The following TAF1B variants were observed in gnomAD, a reference collection of about 807,000 sequenced individuals.
TAF1B encodes TATA box-binding protein-associated factor RNA polymerase I subunit B.
TAF1B carries 61 observed loss-of-function variants against 83.9 expected under a neutral mutation model. The ratio of observed to expected loss-of-function variants is 0.73; its 90% CI spans 0.59 to 0.90. The LOEUF (loss-of-function observed/expected upper bound fraction) is 0.90, where lower values mean the gene tolerates loss of function less well. TAF1B is among the 40% of genes least tolerant of loss of function. TAF1B has a pLI of 0.00. For missense variants in TAF1B, 625 were observed against 677.0 expected (o/e 0.92, Z 0.85); for synonymous variants, 221 against 224.6 (o/e 0.98, Z 0.14).
chr2:9,854,381 A>G lies in TAF1B; in HGVS notation c.359A>G (p.Tyr120Cys). 1.2e-6 allele frequency: 2 copies of G among 1,614,140 alleles called. No individual in the cohort carries two copies. Among genetic ancestry groups the G allele is most frequent in the South Asian group, 1.1e-5 (1 of 91,072 alleles). Residue 120 changes from tyrosine to cysteine, a missense_variant, in exon 5 of 15, where the codon TAT (tyrosine) becomes TGT (cysteine). Tyr to Cys is a radical substitution (Grantham distance 194, BLOSUM62 -2). Coordinates refer to ENST00000263663, the MANE Select transcript of TAF1B (RefSeq NM_005680.3). ...KRYLQKSKQA[Y>C]CKNPVYTTGR... ...TACCTTCAGAAGAGCAAGCAGGCAT[A>G]TTGTAAGAACCCAGTTTATACCACT...
At chr2:9,896,682 T>C (rs1369138899) in intron 8 of TAF1B, among the ~76,000 whole-genome samples, 3 of 43,166 alleles carry the variant, frequency 6.9e-5, no homozygotes, top group Non-Finnish European at 4.2e-4. Flanking sequence ...CCAGCTGAGC[T>C]TTCTTTCCAT....
intron 8 of TAF1B, among the ~76,000 whole-genome samples, chr2:9,893,428 G>A (rs905280202): frequency 6.6e-6 from 1 of 151,384 alleles, no homozygotes; most frequent in African/African-American, 2.4e-5. Flanking sequence ...TGGAAAAAAT[G>A]TGATATAGTC....
At chr2:9,905,085 A>G (rs1665302418) in intron 9 of TAF1B, 79 bp downstream of exon 9, 1 of 1,328,412 alleles carries the variant, frequency 7.5e-7, no homozygotes, top group East Asian at 2.3e-5. Context: ...TTTTCAAATC[A>G]CAGACTATTA....
Position 9,891,508 on chromosome 2 carries a change from A to G in TAF1B, c.807+8703A>G, listed in dbSNP as rs6722572. On this transcript the variant is annotated intron_variant, in intron 8 of 14. Coordinates refer to ENST00000263663, the MANE Select transcript of TAF1B (RefSeq NM_005680.3). ...TTTGGAGTACATAATACTTGATAAT[A>G]ACTGTTACTGTTACTGGTTTATGTA... 5.1e-3 allele frequency among the ~76,000 whole-genome samples: 771 copies of G among 152,306 alleles called. 6 individuals carry two copies. The highest frequency in any genetic ancestry group is 0.018 in the African/African-American group (744 of 41,546).
chr2:9,917,541 G>A (rs553090913), intron 12 of TAF1B, among the ~76,000 whole-genome samples: 1 of 152,264 alleles, frequency 6.6e-6, no homozygotes, highest in East Asian at 1.9e-4. Context: ...AGGATTTAAA[G>A]AACCAATACA....
intron 11 of TAF1B, among the ~76,000 whole-genome samples, chr2:9,912,832 T>C (rs1311682539): frequency 6.6e-6 from 1 of 152,224 alleles, no homozygotes; most frequent in Non-Finnish European, 1.5e-5. Flanking sequence ...GGTAGTTTCC[T>C]CTCTTCTGTG....
Position 9,865,295 on chromosome 2 carries a change from A to G in TAF1B, c.400-2981A>G, listed in dbSNP as rs545008044. 2.1e-4 allele frequency among the ~76,000 whole-genome samples: 32 copies of G among 152,304 alleles called. No individual in the cohort carries two copies. In the South Asian group the frequency reaches 6.4e-3, roughly 31 times the overall value. ...ATCACAAGCATTCTTATACACCAATAACAGACAAACAGAGAGCCAAATCAT... is the reference window on the plus strand; with the variant it reads ...ATCACAAGCATTCTTATACACCAATGACAGACAAACAGAGAGCCAAATCAT... On this transcript the variant is annotated intron_variant, in intron 5 of 14. Coordinates refer to ENST00000263663, the MANE Select transcript of TAF1B (RefSeq NM_005680.3).
rs542757645 is a variant in TAF1B at position 9,888,833 on chromosome 2, TGCTCTTGTCGCCCAG to T, written c.807+6032_807+6046del. Among the ~76,000 whole-genome samples the T allele has an allele frequency of 7.7e-4, 112 of 145,722 alleles. 1 individual carries two copies. The highest frequency in any genetic ancestry group is 2.8e-3 in the African/African-American group (110 of 39,266). On this transcript the variant is annotated intron_variant, in intron 8 of 14. Transcript: ENST00000263663. ...TTTTTTTTTTTTTAAGACAAATTTT[TGCTCTTGTCGCCCAG>T]GCTGGAGTGCAGTGGCATGATCCCG... is the stretch of plus-strand genomic sequence containing the variant.
intron 12 of TAF1B, among the ~76,000 whole-genome samples, chr2:9,915,642 G>A (rs1665661344): frequency 6.6e-6 from 1 of 152,174 alleles, no homozygotes; most frequent in Non-Finnish European, 1.5e-5. Context: ...ATCATTCCCA[G>A]TGTGGGAATT....
chr2:9,883,930 G>C, intron 8 of TAF1B, among the ~76,000 whole-genome samples: 1 of 152,140 alleles, frequency 6.6e-6, no homozygotes, highest in Admixed American at 6.5e-5. Flanking sequence ...AAACCTTTGT[G>C]GCCGGTGGCA....
At chr2:9,933,289 C>T (rs1163399543) in intron 14 of TAF1B, among the ~76,000 whole-genome samples, 1 of 152,308 alleles carries the variant, frequency 6.6e-6, no homozygotes, top group South Asian at 2.1e-4. Context: ...CATCTTGTAA[C>T]GGAAGGCTTT....
At chr2:9,851,947 A>C (rs1051523831) in intron 4 of TAF1B, 20 of 517,400 alleles carry the variant, frequency 3.9e-5, no homozygotes, top group African/African-American at 3.8e-4. Context: ...TTGTGTGTTA[A>C]TGTGCTTGTT....
chr2:9,893,295 A>C (rs935594750), intron 8 of TAF1B, among the ~76,000 whole-genome samples: 1 of 152,188 alleles, frequency 6.6e-6, no homozygotes, highest in Non-Finnish European at 1.5e-5. Context: ...CATTGATTAT[A>C]AGTTATATCC....
intron 8 of TAF1B, among the ~76,000 whole-genome samples, chr2:9,893,459 A>G (rs1032383404): frequency 1.3e-5 from 2 of 152,260 alleles, no homozygotes; most frequent in African/African-American, 4.8e-5. Context: ...ACAGTAAACC[A>G]CTATGAAAAT....
In TAF1B at chr2:9,875,898, T is replaced by A; in HGVS notation, c.587T>A (p.Val196Asp). The change falls in exon 7 of 15, where the codon GTT becomes GAT. Residue 196 changes from valine to aspartate, a missense_variant. Coordinates refer to ENST00000263663, the MANE Select transcript of TAF1B (RefSeq NM_005680.3). The part of the protein sequence containing the change: ...TSVCSGSLDG[V>D]EYSQRKEKGI... ...GTCTGCTCTGGATCTCTGGATGGAGTTGAATACTCACAACGAAAGGAGAAG... is the reference window on the plus strand; with the variant it reads ...GTCTGCTCTGGATCTCTGGATGGAGATGAATACTCACAACGAAAGGAGAAG... The A allele has an allele frequency of 6.2e-7, 1 of 1,611,740 alleles. No homozygotes were observed. Among genetic ancestry groups the A allele is most frequent in the Non-Finnish European group, 8.5e-7 (1 of 1,178,276 alleles).
At chr2:9,879,599 G>A (rs1664430701) in intron 7 of TAF1B, among the ~76,000 whole-genome samples, 1 of 152,202 alleles carries the variant, frequency 6.6e-6, no homozygotes, top group Non-Finnish European at 1.5e-5. Context: ...GGTAGAAGGA[G>A]GTTGCTAGTG....
At chr2:9,897,916 C>T (rs370101392) in intron 8 of TAF1B, among the ~76,000 whole-genome samples, 1 of 152,092 alleles carries the variant, frequency 6.6e-6, no homozygotes, top group South Asian at 2.1e-4. Context: ...TCTTCCCTCC[C>T]AGACAGCATG....
chr2:9,878,075 C>T (rs764544641), intron 7 of TAF1B, among the ~76,000 whole-genome samples: 2 of 152,158 alleles, frequency 1.3e-5, no homozygotes, highest in Non-Finnish European at 2.9e-5. Context: ...AAAATGTGGC[C>T]TCCTGACTTA....
chr2:9,896,509 G>A (rs1453591343), intron 8 of TAF1B, among the ~76,000 whole-genome samples: 1 of 150,762 alleles, frequency 6.6e-6, no homozygotes, highest in Non-Finnish European at 1.5e-5. Flanking sequence ...AGATGGCGAT[G>A]AAGATATGCC....
Sources: gnomAD v4.1 joint callset for allele counts (sites outside exome capture counted in the v4.1 genomes callset) on GRCh38, gnomAD v4.1.1 for gene constraint, MANE v1.5 for transcripts, NCBI Gene and HGNC (gene_info 2026-07-23, HGNC 2026-07-21) for gene names.